The following PTPRQ variants were observed in gnomAD, a reference collection of about 807,000 sequenced individuals.
PTPRQ encodes phosphatidylinositol phosphatase PTPRQ.
PTPRQ carries 199 observed loss-of-function variants against 246.0 expected under a neutral mutation model. The ratio of observed to expected loss-of-function variants is 0.81; its 90% CI spans 0.72 to 0.91. The LOEUF (loss-of-function observed/expected upper bound fraction) is 0.91. Ranked by LOEUF, PTPRQ falls within the 40% of genes least tolerant of loss-of-function variation. The pLI is 0.00. For synonymous variants in PTPRQ, 869 were observed against 853.2 expected (o/e 1.02, Z -0.32); for missense variants, 2,624 against 2,528.4 (o/e 1.04, Z -0.81).
rs879672643 is a variant in PTPRQ at position 80,479,208 on chromosome 12, TG to T, written c.1187-5220del. On this transcript the variant is annotated intron_variant, in intron 8 of 44. Coordinates refer to ENST00000644991, the MANE Select transcript of PTPRQ (RefSeq NM_001145026.2). ...AGAAACCCTACAAGCCAGAAGAGAG[TG>T]GGGGCCAATATTCAACATTCTTAAA... Among the ~76,000 whole-genome samples, 749 of 147,988 alleles carry T rather than the reference TG, an allele frequency of 5.1e-3. 1 individual carries two copies. Among genetic ancestry groups the T allele is most frequent in the Non-Finnish European group, 7.5e-3 (495 of 66,350 alleles).
In PTPRQ at chr12:80,504,642, T is replaced by G. The variant is rs11114483; in HGVS notation, c.2273-1382T>G. 1.5e-3 allele frequency among the ~76,000 whole-genome samples: 226 copies of G among 151,624 alleles called. 2 individuals are homozygous for G. Among genetic ancestry groups the G allele is most frequent in the African/African-American group, 5.1e-3 (212 of 41,344 alleles). ...GAAATTTATGTGGTTTGTGTTGAAG[T>G]TGAGTTCCTCCAGCAAGTATTTTTA... On this transcript the variant is annotated intron_variant, in intron 14 of 44. Transcript: ENST00000644991.
intron 28 of PTPRQ, among the ~76,000 whole-genome samples, chr12:80,610,890 A>G (rs1224886558): frequency 6.6e-6 from 1 of 150,476 alleles, no homozygotes. Context: ...CACTTATTTA[A>G]TCTGCTAGTT....
intron 17 of PTPRQ, among the ~76,000 whole-genome samples, chr12:80,523,434 C>G (rs1352066846): frequency 6.6e-6 from 1 of 152,116 alleles, no homozygotes; most frequent in East Asian, 1.9e-4. Flanking sequence ...TCTTGCTTCT[C>G]TAGTTCTTTT....
intron 27 of PTPRQ, among the ~76,000 whole-genome samples, chr12:80,607,125 T>G (rs996185294): frequency 2.3e-4 from 35 of 150,950 alleles, no homozygotes; most frequent in African/African-American, 8.5e-4. Flanking sequence ...TCTCTTCCTA[T>G]TCATTATCTT....
chr12:80,473,473 T>C (rs1431456159), intron 8 of PTPRQ, among the ~76,000 whole-genome samples: 2 of 152,220 alleles, frequency 1.3e-5, no homozygotes, highest in East Asian at 1.9e-4. Flanking sequence ...TTGGTCTTAA[T>C]AGAGTTTTCT....
At chr12:80,598,364 C>T (rs540567370) in intron 26 of PTPRQ, among the ~76,000 whole-genome samples, 1 of 151,880 alleles carries the variant, frequency 6.6e-6, no homozygotes, top group Non-Finnish European at 1.5e-5. Context: ...AAAAGGATAG[C>T]CAGTTATCAA....
intron 33 of PTPRQ, among the ~76,000 whole-genome samples, chr12:80,630,586 C>A (rs576117915): frequency 6.6e-6 from 1 of 152,118 alleles, no homozygotes. Flanking sequence ...TTATAACAAG[C>A]GTATAATCTA....
intron 8 of PTPRQ, among the ~76,000 whole-genome samples, chr12:80,473,047 G>GCGCGCACACACACACACACA (rs758446731): frequency 6.9e-6 from 1 of 145,574 alleles, no homozygotes; most frequent in African/African-American, 2.6e-5. Flanking sequence ...TCACACACAC[G>GCGCGCACACACACACACACA]CACACACACA....
At chr12:80,466,004 A>G (rs1297320872) in intron 6 of PTPRQ, among the ~76,000 whole-genome samples, 1 of 152,178 alleles carries the variant, frequency 6.6e-6, no homozygotes, top group East Asian at 1.9e-4. Flanking sequence ...AGTTCTGGCC[A>G]GGGCAATTAG....
chr12:80,459,275 C>T lies in PTPRQ; in HGVS notation c.461-9C>T, dbSNP rs983298001. On this transcript the variant is annotated splice_polypyrimidine_tract_variant and intron_variant, in intron 4 of 44. Transcript: ENST00000644991. ...AAGTTTTTTCCTTCCCAATCTTTCTCTTCCCCAGCTCCAGGAAAAGTGGTG... is the reference window on the plus strand; with the variant it reads ...AAGTTTTTTCCTTCCCAATCTTTCTTTTCCCCAGCTCCAGGAAAAGTGGTG... The T allele has an allele frequency of 5.0e-6, 2 of 398,250 alleles. No individual in the cohort carries two copies. The highest frequency in any genetic ancestry group is 4.1e-5 in the African/African-American group (2 of 48,624). 24.7% of individuals were successfully genotyped at this position (398,250 alleles called of 1,614,324 possible). A position where few individuals can be genotyped will look rare whatever the true frequency, so the allele number is the denominator to read the frequency against.
In PTPRQ at chr12:80,619,529, G is replaced by A. The variant is rs1417112442; in HGVS notation, c.5376G>A (p.Val1792=). Residue 1792 remains valine, a synonymous_variant, in exon 31 of 45, where the codon GTG becomes GTA. Transcript: ENST00000644991. ...HGPIKNVQVL[V]TETGAQHDGN... ...CAATAAAAAATGTACAAGTGCTTGT[G>A]ACAGAAACAGGAGGTATCATCACAT... 1 of 1,532,684 alleles carries A rather than the reference G, an allele frequency of 6.5e-7. No individual in the cohort carries two copies. Among genetic ancestry groups the A allele is most frequent in the Non-Finnish European group, 8.8e-7 (1 of 1,136,048 alleles). 94.9% of individuals were successfully genotyped at this position (1,532,684 alleles called of 1,614,324 possible). A position where few individuals can be genotyped will look rare whatever the true frequency, so the allele number is the denominator to read the frequency against.
chr12:80,482,555 C>G (rs1378097950), intron 8 of PTPRQ, among the ~76,000 whole-genome samples: 1 of 150,634 alleles, frequency 6.6e-6, no homozygotes, highest in African/African-American at 2.5e-5. Flanking sequence ...AGCTTCTGTA[C>G]AGCAAAAGAA....
chr12:80,671,580 A>G (rs1049639662), intron 42 of PTPRQ, among the ~76,000 whole-genome samples: 2 of 152,160 alleles, frequency 1.3e-5, no homozygotes, highest in African/African-American at 4.8e-5. Flanking sequence ...TTTAAATATC[A>G]TTTGAAAACC....
chr12:80,457,899 G>A (rs1893028560), intron 4 of PTPRQ, among the ~76,000 whole-genome samples: 1 of 151,932 alleles, frequency 6.6e-6, no homozygotes, highest in African/African-American at 2.4e-5. Context: ...ATTATCCATA[G>A]ACTTATCATA....
chr12:80,604,266 T>C (rs1451946752), intron 26 of PTPRQ, among the ~76,000 whole-genome samples: 1 of 151,554 alleles, frequency 6.6e-6, no homozygotes, highest in Non-Finnish European at 1.5e-5. Context: ...TGCAGCAGTG[T>C]TCTTAGGTTA....
At chr12:80,526,570 G>A (rs1391970291) in intron 17 of PTPRQ, among the ~76,000 whole-genome samples, 1 of 151,974 alleles carries the variant, frequency 6.6e-6, no homozygotes, top group Non-Finnish European at 1.5e-5. Context: ...TTAAAGTTTT[G>A]CCCATCCTCC....
intron 35 of PTPRQ, among the ~76,000 whole-genome samples, chr12:80,645,891 T>C (rs1900055712): frequency 6.6e-6 from 1 of 152,040 alleles, no homozygotes; most frequent in Non-Finnish European, 1.5e-5. Context: ...AATGTGGGCA[T>C]GGTTAGAAAT....
chr12:80,611,423 T>C (rs1174603517), intron 28 of PTPRQ, among the ~76,000 whole-genome samples: 3 of 150,510 alleles, frequency 2.0e-5, no homozygotes, highest in East Asian at 3.9e-4. Context: ...ATATTCTCTA[T>C]GCATTTTGTC....
chr12:80,635,026 G>A lies in PTPRQ; in HGVS notation c.5868G>A (p.Gln1956=). ...EIIDTKLKLD[Q]LITVADLELK... The stretch of plus-strand genomic sequence containing the variant: ...TTGACACTAAATTGAAGCTGGATCA[G>A]CTCATCACAGTGGCAGACCTGGAAC... Residue 1956 remains glutamine, a synonymous_variant, in exon 35 of 45, where the codon CAG becomes CAA. Transcript: ENST00000644991. 6.4e-7 allele frequency: 1 copy of A among 1,551,386 alleles called. No individual in the cohort carries two copies.
Sources: gnomAD v4.1 joint callset for allele counts (sites outside exome capture counted in the v4.1 genomes callset) on GRCh38, gnomAD v4.1.1 for gene constraint, MANE v1.5 for transcripts, NCBI Gene and HGNC (gene_info 2026-07-23, HGNC 2026-07-21) for gene names.